IL13RA1: variants seen among roughly 807,000 people sequenced by gnomAD.
The protein encoded by IL13RA1 is interleukin 13 receptor subunit alpha 1, also known as interleukin-13 receptor subunit alpha-1.
Under a neutral mutation model 33.8 loss-of-function variants are expected in IL13RA1, and 14 were observed. The ratio of observed to expected loss-of-function variants is 0.41; its 90% confidence interval spans 0.27 to 0.65. IL13RA1 has a LOEUF of 0.65. Among genes scored for constraint, IL13RA1 ranks in the 30% least tolerant of loss-of-function variants. The probability of loss-of-function intolerance (pLI) is 0.28; values close to 1 mark genes in which losing one functional copy is unlikely to be tolerated. For synonymous variants in IL13RA1, 116 were observed against 115.7 expected (o/e 1.00, Z -0.02); for missense variants, 313 against 327.0 (o/e 0.96, Z 0.33).
chrX:118,759,384 C>T (rs764385855), intron 5 of IL13RA1, among the ~76,000 whole-genome samples: 2 of 112,454 alleles, frequency 1.8e-5, no homozygotes, highest in East Asian at 2.8e-4. Flanking sequence ...ATTCCATTAG[C>T]GTAATGGTTT....
At chrX:118,800,531 T>G in the IL13RA1 span, among the ~76,000 whole-genome samples, 3 of 110,233 alleles carry the variant, frequency 2.7e-5, no homozygotes, top group African/African-American at 9.9e-5. Flanking sequence ...AGGAAGAAAC[T>G]CGGAACACAT....
intron 8 of IL13RA1, among the ~76,000 whole-genome samples, chrX:118,767,890 C>G (rs949809462): frequency 3.6e-5 from 4 of 111,679 alleles, no homozygotes; most frequent in African/African-American, 9.8e-5. Context: ...GGGCACAGAG[C>G]TATGGTCACA....
chrX:118,762,784 TC>T (rs1308195366), intron 6 of IL13RA1, among the ~76,000 whole-genome samples: 1 of 112,171 alleles, frequency 8.9e-6, no homozygotes, highest in African/African-American at 3.2e-5. Context: ...TTTACTCCAG[TC>T]TTTACTGTTC....
chrX:118,775,794 A>G (rs2017775066), intron 9 of IL13RA1, among the ~76,000 whole-genome samples: 1 of 111,338 alleles, frequency 9.0e-6, no homozygotes, highest in East Asian at 2.8e-4. Flanking sequence ...TGCATATGTT[A>G]AGTTTGAGAT....
intron 8 of IL13RA1, among the ~76,000 whole-genome samples, chrX:118,768,736 T>C (rs1025238870): frequency 5.4e-5 from 6 of 110,803 alleles, no homozygotes; most frequent in African/African-American, 2.0e-4. Flanking sequence ...GAGGCAGAGA[T>C]TGCAGAGATG....
intron 3 of IL13RA1, among the ~76,000 whole-genome samples, chrX:118,747,571 T>C (rs1386470791): frequency 9.0e-6 from 1 of 111,524 alleles, no homozygotes; most frequent in Admixed American, 9.6e-5. Context: ...TGTGTGATAC[T>C]TAGTTTGATA....
intron 1 of IL13RA1, among the ~76,000 whole-genome samples, chrX:118,740,104 T>C (rs760447054): frequency 1.6e-4 from 18 of 112,090 alleles, no homozygotes; most frequent in Non-Finnish European, 3.0e-4. Flanking sequence ...CCTGGGACTA[T>C]AGGCATGTAC....
chrX:118,731,647 A>G (rs753947984), intron 1 of IL13RA1, among the ~76,000 whole-genome samples: 5 of 112,195 alleles, frequency 4.5e-5, no homozygotes, highest in Non-Finnish European at 9.4e-5. Flanking sequence ...TAGCTAACAC[A>G]TAGCACTTGC....
At chrX:118,753,774 C>T (rs185675960) in intron 4 of IL13RA1, among the ~76,000 whole-genome samples, 2 of 112,526 alleles carry the variant, frequency 1.8e-5, no homozygotes, top group African/African-American at 6.5e-5. Context: ...CCCGTCTCGG[C>T]CTCCCAAAGT....
At chrX:118,745,350 A>G (rs957255467) in intron 2 of IL13RA1, among the ~76,000 whole-genome samples, 7 of 111,651 alleles carry the variant, frequency 6.3e-5, no homozygotes, top group African/African-American at 2.3e-4. Flanking sequence ...GGGACAGAAA[A>G]ATTCAATGCC....
intron 2 of IL13RA1, among the ~76,000 whole-genome samples, chrX:118,743,863 G>A (rs895156169): frequency 8.9e-6 from 1 of 112,109 alleles, no homozygotes; most frequent in African/African-American, 3.2e-5. Flanking sequence ...TCTGATGGGA[G>A]GGTTGAACGT....
chrX:118,803,967 T>A, the IL13RA1 span, among the ~76,000 whole-genome samples: 1 of 104,269 alleles, frequency 9.6e-6, no homozygotes, highest in Admixed American at 1.1e-4. Flanking sequence ...TCTTTCTTTT[T>A]TTTTTTTTGA....
At chrX:118,775,306 G>A (rs1009718414) in intron 9 of IL13RA1, among the ~76,000 whole-genome samples, 2 of 111,287 alleles carry the variant, frequency 1.8e-5, no homozygotes, top group Non-Finnish European at 3.8e-5. Context: ...GAGTGGCAGC[G>A]AGGGAGGACA....
rs111349573 is a variant in IL13RA1, at chrX:118,776,517, A to G, written c.1191+6A>G. The G allele has an allele frequency of 1.4e-3, 919 of 672,886 alleles. 4 individuals carry two copies. The African/African-American group carries it at 0.018, about 13-fold the overall frequency. The allele number at this position is 672,886 out of a possible 1,213,427, so 55.5% of individuals were successfully genotyped here. Reference sequence around the variant, plus strand: ...ACCAGAATGATGATACTCTGGTAAGAACAGATTTCATGGGGCTTGAAATGT... The same window carrying G: ...ACCAGAATGATGATACTCTGGTAAGGACAGATTTCATGGGGCTTGAAATGT... On this transcript the variant is annotated splice_donor_region_variant and intron_variant, in intron 10 of 10. Transcript: ENST00000371666.
intron 1 of IL13RA1, among the ~76,000 whole-genome samples, chrX:118,738,781 CT>C (rs144796443): frequency 0.1 from 6,087 of 60,235 alleles, 162 homozygotes; most frequent in East Asian, 0.2. Flanking sequence ...ATTTTAAGTC[CT>C]TTTTTTTTTT....
At chrX:118,748,195 C>T (rs1307363580) in intron 3 of IL13RA1, among the ~76,000 whole-genome samples, 1 of 102,437 alleles carries the variant, frequency 9.8e-6, no homozygotes, top group Non-Finnish European at 2.0e-5. Context: ...CATCTCTTAA[C>T]CTCCAGTCCT....
chrX:118,768,267 C>G (rs894736230), intron 8 of IL13RA1, among the ~76,000 whole-genome samples: 2 of 112,145 alleles, frequency 1.8e-5, no homozygotes, highest in Non-Finnish European at 3.8e-5. Flanking sequence ...TGTTGTATAA[C>G]AAATTACTCC....
chrX:118,758,834 G>C (rs2017561598), intron 5 of IL13RA1: 1 of 111,348 alleles, frequency 9.0e-6, no homozygotes, highest in Non-Finnish European at 1.9e-5. Context: ...CATGAAGGCA[G>C]AACCCTCATG....
intron 8 of IL13RA1, among the ~76,000 whole-genome samples, chrX:118,772,737 C>T (rs1487535260): frequency 8.9e-6 from 1 of 112,158 alleles, no homozygotes; most frequent in East Asian, 2.8e-4. Flanking sequence ...ATACTCCTTC[C>T]TTTAAAGCAG....
Sources: allele counts gnomAD v4.1 joint callset (sites outside exome capture counted in the v4.1 genomes callset), GRCh38; gene constraint gnomAD v4.1.1; transcripts MANE v1.5; gene names NCBI Gene and HGNC (gene_info 2026-07-23, HGNC 2026-07-21).